Variants in INTS4 observed in about 807,000 individuals in gnomAD.
INTS4 encodes the protein MSTP093.
A neutral mutation model predicts 119.5 loss-of-function variants in INTS4; 70 were observed. The ratio of observed to expected loss-of-function variants is 0.59; its 90% CI spans 0.48 to 0.71. The LOEUF is 0.71. Ranked by LOEUF, INTS4 falls within the 30% of genes least tolerant of loss-of-function variation. The pLI is 0.00. For missense variants in INTS4, 867 were observed against 1,173.2 expected (o/e 0.74, Z 3.81); for synonymous variants, 316 against 419.6 (o/e 0.75, Z 3.02).
intron 21 of INTS4, among the ~76,000 whole-genome samples, chr11:77,887,195 C>T (rs1020519954): frequency 1.3e-5 from 2 of 152,202 alleles, no homozygotes; most frequent in Admixed American, 6.5e-5. Context: ...CAAACCAAAT[C>T]CAGCAGCACA....
intron 15 of INTS4, chr11:77,917,973 T>C: frequency 1.5e-6 from 1 of 682,074 alleles, no homozygotes; most frequent in Non-Finnish European, 2.7e-6. Flanking sequence ...GCAAGTAAAA[T>C]TAGAGTGTAC....
Position 77,988,222 on chromosome 11 carries a change from T to C in INTS4, c.246+2886A>G, listed in dbSNP as rs182230067. Among the ~76,000 whole-genome samples, 3 of 152,328 alleles carry C rather than the reference T, an allele frequency of 2.0e-5. No individual in the cohort carries two copies. In the East Asian group the frequency reaches 5.8e-4, roughly 29 times the overall value. On this transcript the variant is annotated intron_variant, in intron 2 of 22. Coordinates refer to ENST00000534064, the MANE Select transcript of INTS4 (RefSeq NM_033547.4). ...CTCTGAATTTACGGAGCTCAAAGTC[T>C]GAAGGAGATAGACACATATGGCAAA... is the stretch of plus-strand genomic sequence containing the variant.
intron 4 of INTS4, among the ~76,000 whole-genome samples, chr11:77,976,350 C>A (rs1038020837): frequency 6.6e-6 from 1 of 152,148 alleles, no homozygotes; most frequent in East Asian, 1.9e-4. Context: ...CATAGCAAGA[C>A]CTTCGTCTTT....
Position 77,878,992 on chromosome 11 carries a change from T to C in INTS4, c.2849A>G (p.Lys950Arg). 8 of 1,614,134 alleles carry C rather than the reference T, an allele frequency of 5.0e-6. No individual in the cohort carries two copies. Among genetic ancestry groups the C allele is most frequent in the South Asian group, 4.4e-5 (4 of 91,078 alleles). Reference sequence around the variant, plus strand: ...GGGCATTATATAAACTTTTACAGGCTTGCTGAAGGGAATGGTGCCCTCGAT... The same window carrying C: ...GGGCATTATATAAACTTTTACAGGCCTGCTGAAGGGAATGGTGCCCTCGAT... ...TSIEGTIPFS[K>R]PVKVYIMPKP... Residue 950 changes from lysine to arginine, a missense_variant, in exon 23 of 23, where the codon AAG becomes AGG. This residue lies in a region of INTS4 where 122 missense variants were observed against 133.2 expected (regional missense o/e 0.92). Transcript: ENST00000534064.
intron 4 of INTS4, among the ~76,000 whole-genome samples, chr11:77,974,759 C>T (rs556098392): frequency 6.6e-6 from 1 of 152,044 alleles, no homozygotes; most frequent in Non-Finnish European, 1.5e-5. Flanking sequence ...AGCCACCAGA[C>T]CCGGCTAATT....
chr11:77,991,932 T>C (rs1856705454), intron 1 of INTS4, among the ~76,000 whole-genome samples: 1 of 152,014 alleles, frequency 6.6e-6, no homozygotes. Flanking sequence ...GTTCAAGCGA[T>C]TCACCTCCCT....
At chr11:77,932,133 A>C (rs1355466294) in intron 10 of INTS4, among the ~76,000 whole-genome samples, 8 of 152,254 alleles carry the variant, frequency 5.3e-5, no homozygotes, top group Non-Finnish European at 1.0e-4. Flanking sequence ...AAAAGAAACT[A>C]TCATCAGAGT....
chr11:77,896,783 T>C (rs770688409), intron 18 of INTS4, among the ~76,000 whole-genome samples: 6 of 143,220 alleles, frequency 4.2e-5, no homozygotes, highest in Non-Finnish European at 6.1e-5. Flanking sequence ...CTAGAGTGTA[T>C]AGAAGAAGTA....
intron 4 of INTS4, among the ~76,000 whole-genome samples, chr11:77,974,762 G>A (rs575524645): frequency 5.9e-5 from 9 of 151,706 alleles, no homozygotes; most frequent in East Asian, 1.9e-4. Context: ...CACCAGACCC[G>A]GCTAATTTTT....
At chr11:77,981,604 T>C (rs777969065) in intron 2 of INTS4, 28 bp from the exon 3 acceptor site, 2 of 1,263,076 alleles carry the variant, frequency 1.6e-6, no homozygotes, top group Non-Finnish European at 1.1e-6. Context: ...ATTGTCACTT[T>C]GATGCTTTAC....
chr11:77,881,990 C>A (rs544414248), intron 22 of INTS4, among the ~76,000 whole-genome samples: 1 of 152,036 alleles, frequency 6.6e-6, no homozygotes, highest in East Asian at 1.9e-4. Flanking sequence ...GGGCTCCCTG[C>A]AGCCTTGACC....
rs199973767 is a variant in INTS4 at position 77,962,030 on chromosome 11, C to T, written c.472-892G>A. ...ATGCTTCAGCTTAAGAAGATACTGC[C>T]AGTTGGGCACAGTAGCTCATGCCTA... On this transcript the variant is annotated intron_variant, in intron 4 of 22. Transcript: ENST00000534064. Among the ~76,000 whole-genome samples the T allele has an allele frequency of 2.6e-5, 4 of 152,298 alleles. No homozygotes were observed. In the East Asian group the frequency reaches 5.8e-4, roughly 22 times the overall value.
downstream of INTS4, among the ~76,000 whole-genome samples, chr11:77,876,785 A>C (rs58682003): frequency 8.3e-3 from 1,262 of 152,322 alleles, 15 homozygotes; most frequent in African/African-American, 0.027. Flanking sequence ...ACATTATCTC[A>C]AAGCCTCTGT....
chr11:77,928,121 A>G (rs1000820396), intron 11 of INTS4, among the ~76,000 whole-genome samples: 2 of 152,202 alleles, frequency 1.3e-5, no homozygotes, highest in Non-Finnish European at 2.9e-5. Context: ...GACACTATGT[A>G]TTCCCTAGGC....
intron 17 of INTS4, among the ~76,000 whole-genome samples, chr11:77,902,073 T>C (rs71469589): frequency 6.6e-6 from 1 of 152,246 alleles, no homozygotes; most frequent in South Asian, 2.1e-4. Flanking sequence ...TGCTCGGTTC[T>C]ATCCAAATAA....
chr11:77,888,707 T>A (rs1952126708), intron 21 of INTS4, among the ~76,000 whole-genome samples: 1 of 151,854 alleles, frequency 6.6e-6, no homozygotes, highest in Non-Finnish European at 1.5e-5. Flanking sequence ...GAATCTACAA[T>A]GAACTCAAAC....
At chr11:77,978,731 G>A (rs1332825136) in intron 4 of INTS4, 4 of 199,998 alleles carry the variant, frequency 2.0e-5, no homozygotes, top group South Asian at 9.9e-5. Flanking sequence ...AGGATTGTGA[G>A]GACCAAATGA....
At chr11:77,938,214 G>A (rs1356563079) in intron 10 of INTS4, among the ~76,000 whole-genome samples, 1 of 152,140 alleles carries the variant, frequency 6.6e-6, no homozygotes, top group Non-Finnish European at 1.5e-5. Flanking sequence ...TTGGCAGTCA[G>A]ACATACCTAG....
At chr11:77,966,267 T>C (rs1421550346) in intron 4 of INTS4, among the ~76,000 whole-genome samples, 3 of 152,226 alleles carry the variant, frequency 2.0e-5, no homozygotes, top group African/African-American at 7.2e-5. Flanking sequence ...CTTCACTTAG[T>C]TTCTTTTCTT....
Sources: allele counts gnomAD v4.1 joint callset (sites outside exome capture counted in the v4.1 genomes callset), GRCh38; gene constraint gnomAD v4.1.1; regional missense constraint gnomAD v4.1.1; transcripts MANE v1.5; gene names NCBI Gene and HGNC (gene_info 2026-07-23, HGNC 2026-07-21).